The following ADGRV1 variants were observed in gnomAD, a reference collection of about 807,000 sequenced individuals.
The protein encoded by ADGRV1 is adhesion G protein-coupled receptor V1.
Under a neutral mutation model 596.2 loss-of-function variants are expected in ADGRV1, and 359 were observed. The observed-to-expected ratio is 0.60, with a 90% CI of 0.55 to 0.66. The LOEUF (loss-of-function observed/expected upper bound fraction) is 0.66. Ranked by LOEUF, ADGRV1 falls within the 30% of genes least tolerant of loss-of-function variation. The pLI is 0.00. For synonymous variants in ADGRV1, 2,681 were observed against 2,679.2 expected, an observed-to-expected ratio of 1.00 and a Z score of -0.02; for missense variants, 7,274 against 7,575.6, an observed-to-expected ratio of 0.96 and a Z score of 1.48.
At chr5:90,691,091 A>C in intron 31 of ADGRV1, 50 bp downstream of exon 31, 1 of 1,605,692 alleles carries the variant, frequency 6.2e-7, no homozygotes. Flanking sequence ...TACCGTATCT[A>C]TAGTGACTAG....
intron 85 of ADGRV1, among the ~76,000 whole-genome samples, chr5:91,058,181 T>C (rs1472716310): frequency 2.0e-5 from 3 of 152,178 alleles, no homozygotes; most frequent in Non-Finnish European, 4.4e-5. Flanking sequence ...TGGGCAGGCC[T>C]CAGAAGTCCT....
At chr5:90,794,714 T>G (rs1760478612) in intron 70 of ADGRV1, among the ~76,000 whole-genome samples, 1 of 152,204 alleles carries the variant, frequency 6.6e-6, no homozygotes, top group African/African-American at 2.4e-5. Context: ...AGGACAGCTC[T>G]GGTCTGCAGC....
chr5:90,944,249 G>A (rs1776393820), intron 83 of ADGRV1, among the ~76,000 whole-genome samples: 1 of 152,012 alleles, frequency 6.6e-6, no homozygotes, highest in African/African-American at 2.4e-5. Flanking sequence ...AGTCTTTAAG[G>A]TATTTTGCAG....
chr5:91,094,231 G>A (rs1011173413), intron 86 of ADGRV1, among the ~76,000 whole-genome samples: 17 of 151,908 alleles, frequency 1.1e-4, no homozygotes, highest in Non-Finnish European at 1.8e-4. Context: ...AGACTGAGGC[G>A]GGCGGATCAC....
In ADGRV1 at chr5:90,776,257, C is replaced by G. The variant is rs117747387; in HGVS notation, c.12404-196C>G. On this transcript the variant is annotated intron_variant, in intron 60 of 89. Transcript: ENST00000405460. The stretch of plus-strand genomic sequence containing the variant: ...TCATTAAAATGTAATCTTGGGCAAG[C>G]GATTTGCCTCCATGTCTTCAAGACC... Among the ~76,000 whole-genome samples, 4 of 152,102 alleles carry G rather than the reference C, an allele frequency of 2.6e-5. No homozygotes were observed. In the South Asian group the frequency reaches 8.3e-4, roughly 32 times the overall value.
intron 11 of ADGRV1, among the ~76,000 whole-genome samples, chr5:90,642,384 T>G (rs1025777381): frequency 6.6e-6 from 1 of 152,176 alleles, no homozygotes; most frequent in African/African-American, 2.4e-5. Context: ...GGTGTACATA[T>G]GTAGTGTTTG....
At chr5:91,092,987 T>C (rs2126590825) in intron 86 of ADGRV1, among the ~76,000 whole-genome samples, 1 of 152,300 alleles carries the variant, frequency 6.6e-6, no homozygotes, top group East Asian at 1.9e-4. Context: ...TCCACACAGG[T>C]AGAGGCTGCC....
intron 21 of ADGRV1, among the ~76,000 whole-genome samples, chr5:90,662,187 C>CTTTTTTTTTTTTT (rs5869513): frequency 1.5e-5 from 2 of 130,868 alleles, no homozygotes; most frequent in African/African-American, 2.9e-5. Flanking sequence ...GGTTAAACAA[C>CTTTTTTTTTTTTT]TTTTTTTTTT....
chr5:90,573,864 G>C (rs1011747541), intron 1 of ADGRV1, among the ~76,000 whole-genome samples: 1 of 152,154 alleles, frequency 6.6e-6, no homozygotes, highest in Non-Finnish European at 1.5e-5. Context: ...GTGCATGTGA[G>C]CATGTGTGCA....
At chr5:90,767,760 G>T (rs548934294) in intron 59 of ADGRV1, among the ~76,000 whole-genome samples, 1 of 151,302 alleles carries the variant, frequency 6.6e-6, no homozygotes, top group South Asian at 2.1e-4. Flanking sequence ...TTTCCCTTCG[G>T]TATTGCAATA....
chr5:90,735,265 A>T (rs1449504073), intron 50 of ADGRV1, among the ~76,000 whole-genome samples: 1 of 152,234 alleles, frequency 6.6e-6, no homozygotes, highest in Non-Finnish European at 1.5e-5. Flanking sequence ...CATTTATTGA[A>T]TAGACTCTCT....
At chr5:90,801,297 G>A (rs1032684680) in intron 70 of ADGRV1, among the ~76,000 whole-genome samples, 29 of 152,152 alleles carry the variant, frequency 1.9e-4, no homozygotes, top group Non-Finnish European at 4.3e-4. Flanking sequence ...CGCTCCCTGG[G>A]GATCTGCCAC....
At chr5:90,980,626 CTT>C (rs1016896863) in intron 84 of ADGRV1, among the ~76,000 whole-genome samples, 79 of 152,282 alleles carry the variant, frequency 5.2e-4, no homozygotes, top group African/African-American at 1.8e-3. Context: ...TTAGTACAGT[CTT>C]TAGCAGAAAA....
At position 91,159,588 on chromosome 5, in the gene ADGRV1, T is replaced by C. The variant is rs1260678894; in HGVS notation, c.18803-4194T>C. ...TCTATGAGAAATCCACATTTCACTC[T>C]CAAAAAAGATGACATAATGTCCTTC... On this transcript the variant is annotated intron_variant, in intron 89 of 89. Transcript: ENST00000405460. Among the ~76,000 whole-genome samples the C allele has an allele frequency of 2.0e-5, 3 of 152,230 alleles. No individual in the cohort carries two copies. In the East Asian group the frequency reaches 5.8e-4, roughly 29 times the overall value.
intron 1 of ADGRV1, among the ~76,000 whole-genome samples, chr5:90,564,588 A>G (rs1369613814): frequency 1.3e-5 from 2 of 152,108 alleles, no homozygotes; most frequent in East Asian, 3.9e-4. Context: ...ATCACCTTTC[A>G]AAGTACACAT....
chr5:91,077,081 T>A (rs1788923981), intron 86 of ADGRV1, among the ~76,000 whole-genome samples: 1 of 152,174 alleles, frequency 6.6e-6, no homozygotes, highest in Non-Finnish European at 1.5e-5. Flanking sequence ...CCAGTTAAGG[T>A]GGTACTGTAA....
intron 83 of ADGRV1, among the ~76,000 whole-genome samples, chr5:90,915,447 T>G: frequency 6.6e-6 from 1 of 152,146 alleles, no homozygotes. Context: ...TGTCCTTTGG[T>G]CAGGAATTTG....
intron 1 of ADGRV1, among the ~76,000 whole-genome samples, chr5:90,612,209 A>G (rs959300124): frequency 1.3e-5 from 2 of 152,194 alleles, no homozygotes; most frequent in Admixed American, 1.3e-4. Context: ...CCTGACATAA[A>G]AAGATGCTGT....
At chr5:91,108,384 T>C (rs1465574667) in intron 87 of ADGRV1, among the ~76,000 whole-genome samples, 2 of 152,220 alleles carry the variant, frequency 1.3e-5, no homozygotes, top group Non-Finnish European at 2.9e-5. Context: ...ATGTATCTTA[T>C]ACTTGCTTAC....
Sources: allele counts gnomAD v4.1 joint callset (sites outside exome capture counted in the v4.1 genomes callset), GRCh38; gene constraint gnomAD v4.1.1; transcripts MANE v1.5; gene names NCBI Gene and HGNC (gene_info 2026-07-23, HGNC 2026-07-21).